Variants in ERCC1 observed in about 807,000 individuals in gnomAD.
The protein encoded by ERCC1 is DNA excision repair protein ERCC-1.
ERCC1 carries 36 observed loss-of-function variants against 37.6 expected under a neutral mutation model. The observed-to-expected ratio is 0.96, with a 90% CI of 0.73 to 1.26. The LOEUF (loss-of-function observed/expected upper bound fraction) is 1.26, where lower values mean the gene tolerates loss of function less well. Ranked by LOEUF, ERCC1 falls within the 50% of genes most tolerant of loss-of-function variation. The probability of loss-of-function intolerance (pLI) is 0.00; values close to 1 mark genes in which losing one functional copy is unlikely to be tolerated. For synonymous variants in ERCC1, 156 were observed against 162.1 expected (o/e 0.96, Z 0.28); for missense variants, 349 against 376.5 (o/e 0.93, Z 0.60).
chr19:45,428,189 T>A (rs1974747333), upstream of ERCC1, among the ~76,000 whole-genome samples: 1 of 137,970 alleles, frequency 7.2e-6, no homozygotes. Flanking sequence ...GCTCAGATGA[T>A]CCTCCCACAT....
chr19:45,435,671 T>C (rs1455903662), intron 1 of ERCC1, among the ~76,000 whole-genome samples: 1 of 152,154 alleles, frequency 6.6e-6, no homozygotes, highest in African/African-American at 2.4e-5. Flanking sequence ...CCCAGGCTGC[T>C]GATCTCAAAC....
intron 2 of ERCC1, among the ~76,000 whole-genome samples, chr19:45,422,336 G>C (rs1032586759): frequency 1.3e-5 from 2 of 151,952 alleles, no homozygotes; most frequent in Non-Finnish European, 2.9e-5. Flanking sequence ...CCTTGAACAC[G>C]GCAGGCTCTC....
chr19:45,431,898 A>T (rs115124551), intron 1 of ERCC1, among the ~76,000 whole-genome samples: 6,263 of 151,890 alleles, frequency 0.041, 373 homozygotes, highest in African/African-American at 0.13. Flanking sequence ...CCTCAAAAAA[A>T]TTTTTTTTTA....
intron 1 of ERCC1, among the ~76,000 whole-genome samples, chr19:45,429,809 G>C (rs1367984458): frequency 1.3e-5 from 2 of 152,000 alleles, no homozygotes; most frequent in African/African-American, 4.8e-5. Context: ...ATTTGAGACA[G>C]AGTCTCGCTC....
intron 1 of ERCC1, among the ~76,000 whole-genome samples, chr19:45,436,882 A>G (rs1281089197): frequency 2.6e-5 from 4 of 152,132 alleles, no homozygotes; most frequent in Admixed American, 2.0e-4. Flanking sequence ...CCGTGAGACC[A>G]AGAGTTGGAG....
rs543493677 is a variant in ERCC1, at chr19:45,416,924, C to A, written c.526-27G>T. 5.1e-6 allele frequency: 8 copies of A among 1,575,360 alleles called. No homozygotes were observed. The African/African-American group carries it at 8.1e-5, about 16-fold the overall frequency. ...TGGAGGAGAAAATCAGAATTAGAAACCTAGAAGCCAGGAATTACAAAAATT... is the reference window on the plus strand; with the variant it reads ...TGGAGGAGAAAATCAGAATTAGAAAACTAGAAGCCAGGAATTACAAAAATT... On this transcript the variant is annotated intron_variant, in intron 5 of 9. Coordinates refer to ENST00000300853, the MANE Select transcript of ERCC1 (RefSeq NM_001983.4).
At chr19:45,418,165 T>C (rs1974174672) in intron 5 of ERCC1, among the ~76,000 whole-genome samples, 1 of 152,006 alleles carries the variant, frequency 6.6e-6, no homozygotes, top group Non-Finnish European at 1.5e-5. Context: ...CTGACCAACA[T>C]GGTGAAACCG....
chr19:45,421,504 C>G, intron 2 of ERCC1, 111 bp from the exon 3 acceptor site: 1 of 749,844 alleles, frequency 1.3e-6, no homozygotes, highest in Non-Finnish European at 2.1e-6. Flanking sequence ...CAGTCTTGCT[C>G]TGTCACCCAG....
chr19:45,409,792 A>G, intron 9 of ERCC1, 67 bp from the exon 10 acceptor site: 1 of 728,850 alleles, frequency 1.4e-6, no homozygotes, highest in Non-Finnish European at 2.6e-6. Context: ...GTAAATCTAG[A>G]GTGGGGTTTT....
At chr19:45,428,335 G>A (rs1974752821), upstream of ERCC1, among the ~76,000 whole-genome samples, 1 of 151,862 alleles carries the variant, frequency 6.6e-6, no homozygotes, top group African/African-American at 2.4e-5. Context: ...CTGGGCTCAA[G>A]CGATCCTCCC....
At chr19:45,425,479 C>T (rs1443041914), upstream of ERCC1, among the ~76,000 whole-genome samples, 4 of 151,928 alleles carry the variant, frequency 2.6e-5, no homozygotes, top group Non-Finnish European at 5.9e-5. Flanking sequence ...ACCTCCGCCA[C>T]CCACATTCAA....
At chr19:45,422,814 C>T (rs894148609) in intron 2 of ERCC1, among the ~76,000 whole-genome samples, 5 of 152,042 alleles carry the variant, frequency 3.3e-5, no homozygotes, top group African/African-American at 1.2e-4. Context: ...CCCCATCATG[C>T]CCTACATCCT....
rs544686192 is a variant in ERCC1 at position 45,413,993 on chromosome 19, C to T, written c.744G>A (p.Thr248=). The T allele has an allele frequency of 2.5e-6, 4 of 1,613,622 alleles. No individual in the cohort carries two copies. The highest frequency in any genetic ancestry group is 2.2e-5 in the East Asian group (1 of 44,868). The change falls in exon 8 of 10, where the codon ACG becomes ACA. Residue 248 remains threonine, a synonymous_variant. Coordinates refer to ENST00000300853, the MANE Select transcript of ERCC1 (RefSeq NM_001983.4). The stretch of plus-strand genomic sequence containing the variant: ...ATGTGGTCAGGAGGGTCTGACTGTC[C>T]GTTTTGTTGACTGACTTCACGGTGG... The part of the protein sequence containing the change: ...CLTTVKSVNK[T]DSQTLLTTFG...
upstream of ERCC1, among the ~76,000 whole-genome samples, chr19:45,424,922 C>CTT (rs986137310): frequency 6.9e-4 from 84 of 121,890 alleles, no homozygotes; most frequent in South Asian, 2.6e-3. Flanking sequence ...TCTTTTTTTT[C>CTT]TTTTTTTTTT....
chr19:45,432,387 C>G (rs941071752), intron 1 of ERCC1, among the ~76,000 whole-genome samples: 11 of 151,872 alleles, frequency 7.2e-5, no homozygotes, highest in Admixed American at 2.0e-4. Flanking sequence ...ACTTCCACCC[C>G]AGCCTCCCAA....
chr19:45,442,305 G>T (rs1216267621), intron 1 of ERCC1, among the ~76,000 whole-genome samples: 1 of 141,642 alleles, frequency 7.1e-6, no homozygotes, highest in Non-Finnish European at 1.5e-5. Context: ...GGGCAACAGA[G>T]ACCCTGTCTC....
At chr19:45,427,713 G>A (rs11880627), upstream of ERCC1, among the ~76,000 whole-genome samples, 7,685 of 152,236 alleles carry the variant, frequency 0.05, 630 homozygotes, top group African/African-American at 0.18. Context: ...TTGTGACTCA[G>A]TTATCCCCTT....
At chr19:45,451,323 T>G (rs1422197681) in intron 1 of ERCC1, among the ~76,000 whole-genome samples, 1 of 152,212 alleles carries the variant, frequency 6.6e-6, no homozygotes, top group Non-Finnish European at 1.5e-5. Context: ...GCCTGCCGTT[T>G]CTGCCTTGGA....
At chr19:45,442,864 C>T (rs1975156508) in intron 1 of ERCC1, among the ~76,000 whole-genome samples, 1 of 152,032 alleles carries the variant, frequency 6.6e-6, no homozygotes, top group African/African-American at 2.4e-5. Context: ...GGCCCCTCCT[C>T]AGACCCACAG....
Sources: allele counts gnomAD v4.1 joint callset (sites outside exome capture counted in the v4.1 genomes callset), GRCh38; gene constraint gnomAD v4.1.1; transcripts MANE v1.5; gene names NCBI Gene and HGNC (gene_info 2026-07-23, HGNC 2026-07-21).